Variants in BRD2 observed in about 807,000 individuals in gnomAD.
BRD2 encodes bromodomain containing 2.
A neutral mutation model predicts 79.1 loss-of-function variants in BRD2; 15 were observed. The ratio of observed to expected loss-of-function variants is 0.19; its 90% CI spans 0.13 to 0.29. BRD2 has a LOEUF of 0.29. Among genes scored for constraint, BRD2 ranks in the 10% least tolerant of loss-of-function variants. The probability of loss-of-function intolerance (pLI) is 1.00; values close to 1 mark genes in which losing one functional copy is unlikely to be tolerated. For synonymous variants in BRD2, 488 were observed against 358.6 expected, an observed-to-expected ratio of 1.36 and a Z score of -4.08; for missense variants, 1,053 against 991.3, an observed-to-expected ratio of 1.06 and a Z score of -0.84.
In BRD2 at chr6:32,976,755, G is replaced by A. The variant is rs995716936; in HGVS notation, c.1019G>A (p.Ser340Asn). 1 of 1,613,174 alleles carries A rather than the reference G, an allele frequency of 6.2e-7. No individual in the cohort carries two copies. Among genetic ancestry groups the A allele is most frequent in the African/African-American group, 1.3e-5 (1 of 74,918 alleles). ...CCTGACTCTCAGCAACAACACCAGAGCTCTAAGAAAGGAAAGCTTTCAGAA... is the reference window on the plus strand; with the variant it reads ...CCTGACTCTCAGCAACAACACCAGAACTCTAAGAAAGGAAAGCTTTCAGAA... ...DLPDSQQQHQ[S>N]SKKGKLSEQL... Residue 340 changes from serine (S) to asparagine (N), a missense_variant, in exon 7 of 13, where the codon AGC becomes AAC. This residue lies in a region of BRD2 where 454 missense variants were observed against 430.5 expected (regional missense o/e 1.05). Transcript: ENST00000374825.
Position 32,977,955 on chromosome 6 carries a change from T to C in BRD2, c.1528T>C (p.Ser510Pro). Residue 510 changes from serine to proline, a missense_variant, in exon 9 of 13, where the codon TCA (serine) becomes CCA (proline). By Grantham distance (74) the Ser-to-Pro change is moderately conservative. Transcript: ENST00000374825. The stretch of plus-strand genomic sequence containing the variant: ...CGAGGAGGAAGAAGAGAGTGAAAGC[T>C]CAGACTCAGAGGAAGAAAGGGCTCA... ...EDEEEEESES[S>P]DSEEERAHRL... The C allele has an allele frequency of 1.9e-6, 3 of 1,612,248 alleles. No homozygotes were observed. Among genetic ancestry groups the C allele is most frequent in the Admixed American group, 1.7e-5 (1 of 60,024 alleles).
At chr6:32,976,494 A>C in intron 6 of BRD2, 30 bp downstream of exon 6, 1 of 1,602,806 alleles carries the variant, frequency 6.2e-7, no homozygotes. Context: ...TCTGGGCAGC[A>C]GGGAGGCAAG....
In BRD2 at chr6:32,977,909, GGAGGAGGAAGAT is replaced by G. The variant is rs756973884; in HGVS notation, c.1491_1502del (p.Glu497_Glu500del). On this transcript the variant is annotated inframe_deletion, in exon 9 of 13. Coordinates refer to ENST00000374825, the MANE Select transcript of BRD2 (RefSeq NM_005104.4). Reference sequence around the variant, plus strand: ...GCAGTGAGAGCTCCTCTGAGGAAGAGGAGGAGGAAGATGAGGAGGACGAGGAGGAAGAAGAGA... The same window carrying G: ...GCAGTGAGAGCTCCTCTGAGGAAGAGGAGGAGGACGAGGAGGAAGAAGAGA... 78 of 1,611,174 alleles carry G rather than the reference GGAGGAGGAAGAT, an allele frequency of 4.8e-5. No individual in the cohort carries two copies. The highest frequency in any genetic ancestry group is 5.6e-5 in the Non-Finnish European group (66 of 1,179,900).
intron 1 of BRD2, 170 bp downstream of exon 1, chr6:32,969,226 G>A (rs1470035065): frequency 2.1e-6 from 1 of 482,506 alleles, no homozygotes; most frequent in East Asian, 4.5e-5. Context: ...AGCGGGAGAG[G>A]GCCATGGGGG....
At position 32,980,821 on chromosome 6, in the gene BRD2, A is replaced by AC. The variant is rs5875429; in HGVS notation, c.*112dup. ...CTTTGCTGTGACACTTCTTCATCTC[A>AC]CCCCCCCCCGCCCCCCTCTAGGAGA... On this transcript the variant is annotated 3_prime_UTR_variant, in exon 13 of 13. Coordinates refer to ENST00000374825, the MANE Select transcript of BRD2 (RefSeq NM_005104.4). 35,408 of 1,224,924 alleles carry AC rather than the reference A, an allele frequency of 0.029. 213 individuals carry two copies. The highest frequency in any genetic ancestry group is 0.043 in the South Asian group (3,065 of 71,634). The allele number at this position is 1,224,924 out of a possible 1,614,324, so 75.9% of individuals were successfully genotyped here.
chr6:32,972,016 G>C lies in BRD2; in HGVS notation c.-883G>C, dbSNP rs978758605. 1 of 702,206 alleles carries C rather than the reference G, an allele frequency of 1.4e-6. No individual in the cohort carries two copies. Among genetic ancestry groups the C allele is most frequent in the African/African-American group, 1.7e-5 (1 of 57,158 alleles). The allele number at this position is 702,206 out of a possible 1,614,324, so 43.5% of individuals were successfully genotyped here. On this transcript the variant is annotated 5_prime_UTR_variant, in exon 2 of 13. Coordinates refer to ENST00000374825, the MANE Select transcript of BRD2 (RefSeq NM_005104.4). ...AGTTTATGACGTCATCGTTGCGGCT[G>C]GCCAATAGAAAAAGCTCCCGCGGAG... is the stretch of plus-strand genomic sequence containing the variant.
chr6:32,972,053 C>T lies in BRD2; in HGVS notation c.-846C>T, dbSNP rs1489672207. On this transcript the variant is annotated 5_prime_UTR_variant, in exon 2 of 13. Coordinates refer to ENST00000374825, the MANE Select transcript of BRD2 (RefSeq NM_005104.4). Reference sequence around the variant, plus strand: ...AAGCTCCCGCGGAGAGGTGTTCCTTCCCCTTCGACTCAGCTTCTTCACCCG... The same window carrying T: ...AAGCTCCCGCGGAGAGGTGTTCCTTTCCCTTCGACTCAGCTTCTTCACCCG... The T allele has an allele frequency of 4.3e-6, 3 of 700,598 alleles. No homozygotes were observed. Among genetic ancestry groups the T allele is most frequent in the Admixed American group, 2.0e-5 (1 of 49,694 alleles). 43.4% of individuals were successfully genotyped at this position (700,598 alleles called of 1,614,324 possible). A position where few individuals can be genotyped will look rare whatever the true frequency, so the allele number is the denominator to read the frequency against.
chr6:32,972,110 G>A lies in BRD2; in HGVS notation c.-789G>A, dbSNP rs768926527. 4 of 691,852 alleles carry A rather than the reference G, an allele frequency of 5.8e-6. No homozygotes were observed. The South Asian group carries it at 6.0e-5, about 10-fold the overall frequency. The allele number at this position is 691,852 out of a possible 1,614,324, so 42.9% of individuals were successfully genotyped here. On this transcript the variant is annotated 5_prime_UTR_variant, in exon 2 of 13. Coordinates refer to ENST00000374825, the MANE Select transcript of BRD2 (RefSeq NM_005104.4). ...CGAGCGCGCGCGCGCGGAGGGGGTG[G>A]GGAAAAGCTCAAGCAGGGTGGCGCG...
At chr6:32,979,492 T>G (rs891722194) in intron 10 of BRD2, 2 of 312,442 alleles carry the variant, frequency 6.4e-6, no homozygotes, top group Admixed American at 9.2e-5. Flanking sequence ...AGATACTACT[T>G]TTTTTTTTAG....
rs635593 is a variant in BRD2, at chr6:32,975,309, T to A, written c.334-75T>A. 0.11 allele frequency: 114,712 copies of A among 1,015,208 alleles called. 7,507 individuals carry two copies. The highest frequency in any genetic ancestry group is 0.28 in the African/African-American group (16,657 of 59,344). The allele number at this position is 1,015,208 out of a possible 1,614,324, so 62.9% of individuals were successfully genotyped here. ...GGGTGTGTGTGTGTGTGTGTGTGTG[T>A]GAGAGTCGGGGATCGGTAGTCTCCC... On this transcript the variant is annotated intron_variant, in intron 3 of 12. Transcript: ENST00000374825.
At chr6:32,973,626 A>AG (rs1177813874) in intron 2 of BRD2, among the ~76,000 whole-genome samples, 1 of 152,082 alleles carries the variant, frequency 6.6e-6, no homozygotes, top group African/African-American at 2.4e-5. Flanking sequence ...GGAGCACCAG[A>AG]GGGACTGTAA....
At chr6:32,975,278 T>G in intron 3 of BRD2, 106 bp from the exon 4 acceptor site, 1 of 1,036,766 alleles carries the variant, frequency 9.6e-7, no homozygotes, top group Non-Finnish European at 1.4e-6. Flanking sequence ...CTTTGATGCA[T>G]AGGGGGGGTG....
chr6:32,974,629 T>C lies in BRD2; in HGVS notation c.197T>C (p.Val66Ala). The change falls in exon 3 of 13, where the codon GTG (valine) becomes GCG (alanine). Residue 66 changes from valine (V) to alanine (A), a missense_variant. Around this residue, in one of 5 missense-constraint regions of BRD2, gnomAD observed 413 missense variants for 335.1 expected, o/e 1.23. Coordinates refer to ENST00000374825, the MANE Select transcript of BRD2 (RefSeq NM_005104.4). ...LTPANPPPPE[V>A]SNPKKPGRVT... ...CCTGCCAACCCACCACCCCCGGAGG[T>C]GTCCAATCCCAAAAAGCCAGGACGA... is the stretch of plus-strand genomic sequence containing the variant. The C allele has an allele frequency of 6.2e-7, 1 of 1,614,056 alleles. No homozygotes were observed. The highest frequency in any genetic ancestry group is 8.5e-7 in the Non-Finnish European group (1 of 1,180,014).
intron 1 of BRD2, chr6:32,969,269 C>A (rs1212819054): frequency 2.9e-6 from 2 of 698,284 alleles, no homozygotes; most frequent in African/African-American, 3.5e-5. Flanking sequence ...TGCCTCCGTA[C>A]CCATTGGAGG....
intron 7 of BRD2, 67 bp downstream of exon 7, chr6:32,977,003 T>C: frequency 6.6e-7 from 1 of 1,523,546 alleles, no homozygotes; most frequent in Non-Finnish European, 8.8e-7. Context: ...AAACAATAAG[T>C]CTCCTTATGT....
At chr6:32,973,244 G>A (rs1427513635) in intron 2 of BRD2, 21 of 1,252,360 alleles carry the variant, frequency 1.7e-5, no homozygotes, top group Non-Finnish European at 1.1e-6. Flanking sequence ...CGTTTGGTGG[G>A]TCTGGTATCT....
Position 32,974,612 on chromosome 6 carries a change from C to T in BRD2, c.180C>T (p.Asn60=), listed in dbSNP as rs56109539. The change falls in exon 3 of 13, where the codon AAC becomes AAT. Residue 60 remains asparagine (N), a synonymous_variant. Transcript: ENST00000374825. The part of the protein sequence containing the change: ...SVPALQLTPA[N]PPPPEVSNPK... ...CTGCTTTGCAACTTACCCCTGCCAA[C>T]CCACCACCCCCGGAGGTGTCCAATC... The T allele has an allele frequency of 6.1e-5, 99 of 1,614,242 alleles. 1 individual carries two copies. In the East Asian group the frequency reaches 2.1e-3, roughly 35 times the overall value.
At position 32,977,083 on chromosome 6, in the gene BRD2, G is replaced by GTTTTGAGA. The variant is rs1055362692; in HGVS notation, c.1200+148_1200+155dup. Reference sequence around the variant, plus strand: ...ATAATAGTGGAACAGAAGGTCTGGTGTTTTGAGAATTTGTATTTCTTGGAG... The same window carrying GTTTTGAGA: ...ATAATAGTGGAACAGAAGGTCTGGTGTTTTGAGATTTTGAGAATTTGTATTTCTTGGAG... On this transcript the variant is annotated intron_variant, in intron 7 of 12. Coordinates refer to ENST00000374825, the MANE Select transcript of BRD2 (RefSeq NM_005104.4). 8.3e-5 allele frequency: 106 copies of GTTTTGAGA among 1,277,812 alleles called. No individual in the cohort carries two copies. The African/African-American group carries it at 1.4e-3, about 17-fold the overall frequency. 79.2% of individuals were successfully genotyped at this position (1,277,812 alleles called of 1,614,324 possible).
intron 2 of BRD2, among the ~76,000 whole-genome samples, chr6:32,973,597 G>T (rs549809464): frequency 6.6e-6 from 1 of 152,138 alleles, no homozygotes. Flanking sequence ...TTCTTAGGTG[G>T]TAGGAAAGAC....
Sources: gnomAD v4.1 joint callset for allele counts (sites outside exome capture counted in the v4.1 genomes callset) on GRCh38, gnomAD v4.1.1 for gene constraint, gnomAD v4.1.1 regional missense constraint, MANE v1.5 for transcripts, NCBI Gene and HGNC (gene_info 2026-07-23, HGNC 2026-07-21) for gene names.